Variants in PEX14 observed in about 807,000 individuals in gnomAD.
PEX14 encodes the protein peroxisomal biogenesis factor 14, also known as peroxisomal membrane protein PEX14.
Under a neutral mutation model 49.5 loss-of-function variants are expected in PEX14, and 15 were observed. The ratio of observed to expected loss-of-function variants is 0.30; its 90% confidence interval spans 0.20 to 0.47. The LOEUF is 0.47. Among genes scored for constraint, PEX14 ranks in the 20% least tolerant of loss-of-function variants. The pLI is 1.00. For synonymous variants in PEX14, 210 were observed against 212.7 expected, an observed-to-expected ratio of 0.99 and a Z score of 0.11; for missense variants, 398 against 494.8, an observed-to-expected ratio of 0.80 and a Z score of 1.86.
intron 1 of PEX14, among the ~76,000 whole-genome samples, chr1:10,480,542 C>T (rs1044292679): frequency 2.0e-5 from 3 of 151,706 alleles, no homozygotes; most frequent in Non-Finnish European, 4.4e-5. Flanking sequence ...TACAGGTGCC[C>T]GCCACCATGC....
chr1:10,570,489 C>T (rs1452590537), intron 3 of PEX14, among the ~76,000 whole-genome samples: 3 of 152,208 alleles, frequency 2.0e-5, no homozygotes, highest in South Asian at 4.2e-4. Context: ...CACGCCAACA[C>T]GCCCAGCTAA....
intron 3 of PEX14, among the ~76,000 whole-genome samples, chr1:10,550,926 A>G (rs1440284880): frequency 6.6e-6 from 1 of 152,196 alleles, no homozygotes. Flanking sequence ...TTTAATTTGG[A>G]GTTTTTCCTG....
chr1:10,522,673 C>G (rs974320479), intron 2 of PEX14, among the ~76,000 whole-genome samples: 6 of 152,304 alleles, frequency 3.9e-5, no homozygotes, highest in African/African-American at 1.4e-4. Context: ...TATTTAATCT[C>G]TGGCTTCCTG....
At chr1:10,596,869 G>A (rs1176979176) in intron 3 of PEX14, among the ~76,000 whole-genome samples, 9 of 152,222 alleles carry the variant, frequency 5.9e-5, no homozygotes, top group South Asian at 2.1e-4. Context: ...TAAATTTTGA[G>A]CCTCAAATGA....
intron 4 of PEX14, among the ~76,000 whole-genome samples, chr1:10,606,180 C>T (rs1641120324): frequency 6.6e-6 from 1 of 152,180 alleles, no homozygotes; most frequent in African/African-American, 2.4e-5. Context: ...GCCCAGGCTG[C>T]CAGGAGGCTC....
rs17035111 is a variant in PEX14 at position 10,513,247 on chromosome 1, C to T, written c.84+17926C>T. 8.3e-3 allele frequency among the ~76,000 whole-genome samples: 1,261 copies of T among 152,286 alleles called. 19 individuals carry two copies. Among genetic ancestry groups the T allele is most frequent in the African/African-American group, 0.029 (1,204 of 41,558 alleles). On this transcript the variant is annotated intron_variant, in intron 2 of 8. Coordinates refer to ENST00000356607, the MANE Select transcript of PEX14 (RefSeq NM_004565.3). The stretch of plus-strand genomic sequence containing the variant: ...ATTCCACATAGAATGCTGTTTTTCA[C>T]CCACCTGGCTGGTTGTCTGATTCTA...
intron 3 of PEX14, among the ~76,000 whole-genome samples, chr1:10,538,145 G>A (rs1395017546): frequency 2.0e-5 from 3 of 152,180 alleles, no homozygotes; most frequent in Admixed American, 1.3e-4. Context: ...GAAATAGGTC[G>A]GATGTCAGAT....
chr1:10,509,446 C>A, intron 2 of PEX14, among the ~76,000 whole-genome samples: 1 of 152,114 alleles, frequency 6.6e-6, no homozygotes, highest in East Asian at 1.9e-4. Flanking sequence ...CAGCCTGGTC[C>A]CCAGAGCCCC....
chr1:10,485,300 T>G (rs1416604426), intron 1 of PEX14, among the ~76,000 whole-genome samples: 1 of 94,752 alleles, frequency 1.1e-5, no homozygotes, highest in African/African-American at 7.2e-5. Context: ...TTGTGTGTGG[T>G]TTTTTTTTTT....
chr1:10,475,052 G>C, intron 1 of PEX14, 50 bp downstream of exon 1: 1 of 1,556,392 alleles, frequency 6.4e-7, no homozygotes, highest in Non-Finnish European at 8.8e-7. Context: ...CCGGCTGGAG[G>C]GGGCGCTCAG....
At chr1:10,552,320 T>C (rs1206351969) in intron 3 of PEX14, among the ~76,000 whole-genome samples, 2 of 152,068 alleles carry the variant, frequency 1.3e-5, no homozygotes, top group African/African-American at 2.4e-5. Flanking sequence ...CGGACGCCTG[T>C]AATCCCAGTT....
At chr1:10,475,946 A>G (rs114030239) in intron 1 of PEX14, among the ~76,000 whole-genome samples, 1,795 of 152,316 alleles carry the variant, frequency 0.012, 31 homozygotes, top group African/African-American at 0.04. Flanking sequence ...GGTTTGTGAC[A>G]TGCCCCAAAT....
intron 2 of PEX14, among the ~76,000 whole-genome samples, chr1:10,513,579 CTAAGGA>C (rs1641920669): frequency 5.3e-5 from 8 of 152,298 alleles, no homozygotes; most frequent in Admixed American, 3.9e-4. Context: ...GGTTCTCTAC[CTAAGGA>C]TATCTTCCCC....
rs565247030 is a variant in PEX14, at chr1:10,520,148, C to CTTTT, written c.85-16054_85-16051dup. On this transcript the variant is annotated intron_variant, in intron 2 of 8. Coordinates refer to ENST00000356607, the MANE Select transcript of PEX14 (RefSeq NM_004565.3). ...AGCTGTTGTGCCTGGCCTTCTTCTT[C>CTTTT]TTTTTTTTTTTTTTGTTTTTTTAAC... 1.4e-4 allele frequency among the ~76,000 whole-genome samples: 10 copies of CTTTT among 69,184 alleles called. 1 individual carries two copies. Among genetic ancestry groups the CTTTT allele is most frequent in the East Asian group, 4.3e-4 (1 of 2,320 alleles). 45.4% of individuals were successfully genotyped at this position (69,184 alleles called of 152,430 possible).
At position 10,576,962 on chromosome 1, in the gene PEX14, T is replaced by C. The variant is rs984458668; in HGVS notation, c.170-22276T>C. Among the ~76,000 whole-genome samples the C allele has an allele frequency of 2.6e-5, 4 of 151,892 alleles. 1 individual carries two copies. In the East Asian group the frequency reaches 7.8e-4, roughly 30 times the overall value. On this transcript the variant is annotated intron_variant, in intron 3 of 8. Transcript: ENST00000356607. ...GAGGGGGTTTCACCAGGCTGGTCTT[T>C]AACCCCTGACCTCAGGTGGTCCACC...
chr1:10,537,779 T>C (rs1638880584), intron 3 of PEX14, among the ~76,000 whole-genome samples: 1 of 152,134 alleles, frequency 6.6e-6, no homozygotes, highest in South Asian at 2.1e-4. Flanking sequence ...CAGGCTTTGC[T>C]GAGCAGTTTT....
intron 3 of PEX14, among the ~76,000 whole-genome samples, chr1:10,560,152 G>T (rs370123914): frequency 1.0e-3 from 157 of 152,092 alleles, no homozygotes; most frequent in African/African-American, 3.7e-3. Flanking sequence ...CTGCCTCCCG[G>T]GTTCAAGCAA....
At chr1:10,513,846 A>G (rs1246075100) in intron 2 of PEX14, among the ~76,000 whole-genome samples, 1 of 152,228 alleles carries the variant, frequency 6.6e-6, no homozygotes, top group East Asian at 1.9e-4. Flanking sequence ...GGGAGCTGTC[A>G]TATTGACTGT....
chr1:10,582,193 G>A (rs1225192532), intron 3 of PEX14, among the ~76,000 whole-genome samples: 1 of 150,724 alleles, frequency 6.6e-6, no homozygotes, highest in East Asian at 1.9e-4. Context: ...TTTTTTAAGA[G>A]GGGAAAAAAG....
Sources: gnomAD v4.1 joint callset for allele counts (sites outside exome capture counted in the v4.1 genomes callset) on GRCh38, gnomAD v4.1.1 for gene constraint, MANE v1.5 for transcripts, NCBI Gene and HGNC (gene_info 2026-07-23, HGNC 2026-07-21) for gene names.